The following SNTG1 variants were observed in gnomAD, a reference collection of about 807,000 sequenced individuals.
SNTG1 encodes syntrophin gamma 1, also known as gamma-1-syntrophin.
In SNTG1, 39 loss-of-function variants were observed where a neutral mutation model predicts 74.7. The observed-to-expected ratio is 0.52, with a 90% CI of 0.40 to 0.68. The LOEUF (loss-of-function observed/expected upper bound fraction) is 0.68, where lower values mean the gene tolerates loss of function less well. Ranked by LOEUF, SNTG1 falls within the 30% of genes least tolerant of loss-of-function variation. The pLI, the probability that SNTG1 is intolerant of heterozygous loss-of-function variation, is 0.00. For synonymous variants in SNTG1, 254 were observed against 217.1 expected (o/e 1.17, Z -1.49); for missense variants, 685 against 609.5 (o/e 1.12, Z -1.30).
chr8:50,617,753 C>A (rs1250390582), intron 13 of SNTG1, among the ~76,000 whole-genome samples: 1 of 152,156 alleles, frequency 6.6e-6, no homozygotes, highest in Non-Finnish European at 1.5e-5. Context: ...GGGCTGCATG[C>A]ACCAGTAATT....
At position 50,447,093 on chromosome 8, in the gene SNTG1, T is replaced by C. The variant is rs56030242; in HGVS notation, c.220-2575T>C. On this transcript the variant is annotated intron_variant, in intron 5 of 18. Coordinates refer to ENST00000642720, the MANE Select transcript of SNTG1 (RefSeq NM_018967.5). ...CCTGGATAACTGAAACCACAGAAAGTGAAACACAAATAAGCAGGGGATTGC... is the reference window on the plus strand; with the variant it reads ...CCTGGATAACTGAAACCACAGAAAGCGAAACACAAATAAGCAGGGGATTGC... Among the ~76,000 whole-genome samples, 1,333 of 152,208 alleles carry C rather than the reference T, an allele frequency of 8.8e-3. 7 individuals are homozygous for C. The highest frequency in any genetic ancestry group is 0.044 in the Middle Eastern group (13 of 294).
intron 18 of SNTG1, among the ~76,000 whole-genome samples, chr8:50,775,571 C>A (rs1024570236): frequency 3.3e-5 from 5 of 151,570 alleles, no homozygotes; most frequent in African/African-American, 7.2e-5. Flanking sequence ...CAGAAACTTG[C>A]AAATAATGTA....
intron 2 of SNTG1, among the ~76,000 whole-genome samples, chr8:50,280,985 C>CAAAAAAAAA (rs35973666): frequency 9.3e-5 from 7 of 75,430 alleles, no homozygotes; most frequent in Non-Finnish European, 1.3e-4. Flanking sequence ...AACCCAGTCT[C>CAAAAAAAAA]AAAAAAAAAA....
intron 17 of SNTG1, among the ~76,000 whole-genome samples, chr8:50,719,802 G>A (rs896898455): frequency 6.6e-6 from 1 of 151,950 alleles, no homozygotes; most frequent in Non-Finnish European, 1.5e-5. Context: ...TATCATTAAG[G>A]TATTATAAAA....
chr8:50,230,056 T>C (rs1486795912), intron 2 of SNTG1, among the ~76,000 whole-genome samples: 2 of 151,430 alleles, frequency 1.3e-5, no homozygotes, highest in South Asian at 2.1e-4. Context: ...ATGCAACTTA[T>C]CAAAATGTGA....
intron 12 of SNTG1, among the ~76,000 whole-genome samples, chr8:50,561,993 T>G (rs1483337817): frequency 1.3e-5 from 2 of 152,218 alleles, no homozygotes; most frequent in Non-Finnish European, 1.5e-5. Context: ...AAAATCCATC[T>G]TATATATGTC....
chr8:50,633,786 A>G (rs2095020360), intron 13 of SNTG1, among the ~76,000 whole-genome samples: 1 of 152,132 alleles, frequency 6.6e-6, no homozygotes, highest in African/African-American at 2.4e-5. Context: ...TGGGGTGAGG[A>G]GTGCCAGTAT....
intron 1 of SNTG1, among the ~76,000 whole-genome samples, chr8:50,054,421 C>T (rs1294207600): frequency 6.6e-6 from 1 of 152,068 alleles, no homozygotes; most frequent in African/African-American, 2.4e-5. Flanking sequence ...TACTTATTTC[C>T]TTAACCATTA....
Position 50,232,547 on chromosome 8 carries a change from CT to C in SNTG1, c.-28+59916del, listed in dbSNP as rs547363714. Among the ~76,000 whole-genome samples the C allele has an allele frequency of 2.1e-3, 322 of 151,486 alleles. 1 individual carries two copies. Among genetic ancestry groups the C allele is most frequent in the African/African-American group, 7.5e-3 (313 of 41,498 alleles). On this transcript the variant is annotated intron_variant, in intron 2 of 18. Transcript: ENST00000642720. ...TTAGACACAAGGCAAGATGTTTACT[CT>C]TTTCAATTTTTGTGAACATAGTCCT...
chr8:50,520,214 C>T lies in SNTG1; in HGVS notation c.467-9963C>T, dbSNP rs536811788. On this transcript the variant is annotated intron_variant, in intron 9 of 18. Transcript: ENST00000642720. ...GAAAGGATTCCCTATTTAATAAATG[C>T]TGCTGGGAAAACTGGCTAGCCATAT... is the stretch of plus-strand genomic sequence containing the variant. Among the ~76,000 whole-genome samples the T allele has an allele frequency of 3.9e-5, 6 of 152,110 alleles. No individual in the cohort carries two copies. The East Asian group carries it at 9.7e-4, about 24-fold the overall frequency.
intron 1 of SNTG1, among the ~76,000 whole-genome samples, chr8:49,924,981 C>G (rs1045663813): frequency 6.6e-6 from 1 of 151,802 alleles, no homozygotes; most frequent in African/African-American, 2.4e-5. Context: ...GAGACCCCCC[C>G]ATCACTACAA....
rs2085575664 is a variant in SNTG1 at position 50,230,735 on chromosome 8, T to C, written c.-28+58100T>C. ...GCCTGGACCCTTATCTCAGACCATG[T>C]ATACAATCCAACTCAAAAGTATTAG... On this transcript the variant is annotated intron_variant, in intron 2 of 18. Transcript: ENST00000642720. 1.3e-5 allele frequency among the ~76,000 whole-genome samples: 2 copies of C among 151,350 alleles called. 1 individual carries two copies. The highest frequency in any genetic ancestry group is 4.1e-4 in the South Asian group (2 of 4,824).
At chr8:50,387,291 G>T (rs751486332) in intron 2 of SNTG1, among the ~76,000 whole-genome samples, 1 of 152,080 alleles carries the variant, frequency 6.6e-6, no homozygotes. Flanking sequence ...AAGAGTGCCC[G>T]AAGAGCTCTT....
intron 2 of SNTG1, among the ~76,000 whole-genome samples, chr8:50,238,297 T>A (rs1035731287): frequency 6.6e-6 from 1 of 152,120 alleles, no homozygotes. Context: ...AGTAGATACA[T>A]AGGCTAACGG....
intron 1 of SNTG1, among the ~76,000 whole-genome samples, chr8:49,938,598 TTTTCTTTTCTTTCTTTCTTTC>T (rs1808343691): frequency 2.4e-4 from 3 of 12,712 alleles, no homozygotes; most frequent in African/African-American, 5.3e-4. Context: ...TTTTCTTTTC[TTTTCTTTTCTTTCTTTCTTTC>T]TTTCTTTCTT....
intron 5 of SNTG1, among the ~76,000 whole-genome samples, chr8:50,446,617 GC>G (rs2093410497): frequency 6.6e-6 from 1 of 152,048 alleles, no homozygotes; most frequent in African/African-American, 2.4e-5. Context: ...AGTGGAGGTT[GC>G]AATGAGTCAA....
At chr8:50,373,523 T>C (rs147589392) in intron 2 of SNTG1, among the ~76,000 whole-genome samples, 1 of 152,314 alleles carries the variant, frequency 6.6e-6, no homozygotes, top group African/African-American at 2.4e-5. Flanking sequence ...GTTTATTAAG[T>C]AGTAAAAAAT....
At chr8:50,248,694 C>T (rs79741494) in intron 2 of SNTG1, among the ~76,000 whole-genome samples, 479 of 152,008 alleles carry the variant, frequency 3.2e-3, no homozygotes, top group East Asian at 7.0e-3. Context: ...ACAGAATACA[C>T]GGCAATCACT....
At chr8:50,659,796 C>A (rs1417488986) in intron 15 of SNTG1, among the ~76,000 whole-genome samples, 2 of 152,142 alleles carry the variant, frequency 1.3e-5, no homozygotes, top group African/African-American at 4.8e-5. Flanking sequence ...GGAGATCATA[C>A]ACGACTCCAG....
Sources: gnomAD v4.1 joint callset for allele counts (sites outside exome capture counted in the v4.1 genomes callset) on GRCh38, gnomAD v4.1.1 for gene constraint, MANE v1.5 for transcripts, NCBI Gene and HGNC (gene_info 2026-07-23, HGNC 2026-07-21) for gene names.